The following TMC1 variants were observed in gnomAD, a reference collection of about 807,000 sequenced individuals.
TMC1 encodes the protein transmembrane channel like 1.
A neutral mutation model predicts 105.8 loss-of-function variants in TMC1; 84 were observed. The observed-to-expected ratio is 0.79, with a 90% CI of 0.67 to 0.95. The LOEUF is 0.95. TMC1 is among the 40% of genes least tolerant of loss of function. The pLI is 0.00. For missense variants in TMC1, 817 were observed against 914.1 expected, an observed-to-expected ratio of 0.89 and a Z score of 1.37; for synonymous variants, 315 against 311.5, an observed-to-expected ratio of 1.01 and a Z score of -0.12.
chr9:72,527,058 C>G (rs1823417372), intron 1 of TMC1, among the ~76,000 whole-genome samples: 1 of 152,174 alleles, frequency 6.6e-6, no homozygotes, highest in Admixed American at 6.5e-5. Context: ...GCATGGGGTT[C>G]CGCTGGGCAT....
intron 2 of TMC1, among the ~76,000 whole-genome samples, chr9:72,601,984 A>C (rs1305035278): frequency 6.6e-6 from 1 of 152,230 alleles, no homozygotes; most frequent in Non-Finnish European, 1.5e-5. Context: ...TTTATTTTTC[A>C]TATACACCTT....
intron 5 of TMC1, among the ~76,000 whole-genome samples, chr9:72,649,051 C>A (rs1031632071): frequency 1.2e-4 from 18 of 152,286 alleles, no homozygotes; most frequent in African/African-American, 4.1e-4. Flanking sequence ...GGGATGTGTT[C>A]TGCTTCCGTT....
chr9:72,624,116 C>T (rs1825303495), intron 3 of TMC1, among the ~76,000 whole-genome samples: 1 of 152,158 alleles, frequency 6.6e-6, no homozygotes, highest in African/African-American at 2.4e-5. Flanking sequence ...GTCTTGGCAT[C>T]AGATTCCGTG....
At chr9:72,540,741 G>C (rs1823661151) in intron 1 of TMC1, among the ~76,000 whole-genome samples, 1 of 152,108 alleles carries the variant, frequency 6.6e-6, no homozygotes, top group Non-Finnish European at 1.5e-5. Context: ...CATGCAAGTG[G>C]CCACATGCTG....
chr9:72,565,902 G>A (rs1824144178), intron 1 of TMC1, among the ~76,000 whole-genome samples: 1 of 152,210 alleles, frequency 6.6e-6, no homozygotes, highest in African/African-American at 2.4e-5. Context: ...CAAGACACAT[G>A]GGGATTATGG....
Position 72,644,188 on chromosome 9 carries a change from T to A in TMC1, c.-52-4409T>A, listed in dbSNP as rs561224607. On this transcript the variant is annotated intron_variant, in intron 4 of 23. Coordinates refer to ENST00000297784, the MANE Select transcript of TMC1 (RefSeq NM_138691.3). ...GGATACAAATCCTTTAACAAATGTA[T>A]GATTTGCAAATATTTTCTCCCAGTC... Among the ~76,000 whole-genome samples, 189 of 152,300 alleles carry A rather than the reference T, an allele frequency of 1.2e-3. 1 individual carries two copies. Among genetic ancestry groups the A allele is most frequent in the African/African-American group, 4.3e-3 (178 of 41,596 alleles).
intron 5 of TMC1, among the ~76,000 whole-genome samples, chr9:72,683,500 C>A (rs931081965): frequency 2.7e-5 from 4 of 150,142 alleles, no homozygotes; most frequent in Non-Finnish European, 5.9e-5. Flanking sequence ...CATAAGAATG[C>A]TGCCTTTTAA....
chr9:72,754,664 A>G, intron 11 of TMC1, 122 bp from the exon 12 acceptor site: 1 of 746,506 alleles, frequency 1.3e-6, no homozygotes, highest in Non-Finnish European at 2.4e-6. Flanking sequence ...CCCCACATGG[A>G]GACCCAAAGA....
At chr9:72,806,359 C>T (rs967404489) in intron 18 of TMC1, among the ~76,000 whole-genome samples, 1 of 140,816 alleles carries the variant, frequency 7.1e-6, no homozygotes, top group African/African-American at 2.7e-5. Flanking sequence ...GCTGACCCCC[C>T]CACCTCCCTC....
At chr9:72,747,620 A>G (rs988884815) in intron 10 of TMC1, among the ~76,000 whole-genome samples, 4 of 152,094 alleles carry the variant, frequency 2.6e-5, no homozygotes, top group African/African-American at 9.7e-5. Context: ...TTTGAGACAG[A>G]GTCTTGCTCT....
At chr9:72,627,361 G>C (rs77689421) in intron 3 of TMC1, among the ~76,000 whole-genome samples, 1 of 152,044 alleles carries the variant, frequency 6.6e-6, no homozygotes, top group South Asian at 2.1e-4. Flanking sequence ...TATCCCAGTG[G>C]GGGTCAAGGC....
chr9:72,720,245 A>G (rs1826999039), intron 8 of TMC1, among the ~76,000 whole-genome samples: 1 of 152,226 alleles, frequency 6.6e-6, no homozygotes, highest in Non-Finnish European at 1.5e-5. Context: ...CCTTGGTATG[A>G]TGGAGGTCTC....
chr9:72,757,260 C>A (rs901094017), intron 12 of TMC1, among the ~76,000 whole-genome samples: 2 of 152,188 alleles, frequency 1.3e-5, no homozygotes, highest in Admixed American at 6.5e-5. Context: ...CTGCATCATG[C>A]AGTGAACTGT....
intron 8 of TMC1, among the ~76,000 whole-genome samples, chr9:72,739,832 T>A (rs1827358462): frequency 6.6e-6 from 1 of 152,214 alleles, no homozygotes; most frequent in Non-Finnish European, 1.5e-5. Flanking sequence ...TTGATAGAAA[T>A]GAAAAGAACT....
Position 72,700,841 on chromosome 9 carries a change from A to G in TMC1, c.362+198A>G, listed in dbSNP as rs1382794053. 1.9e-5 allele frequency: 4 copies of G among 216,214 alleles called. No homozygotes were observed. In the East Asian group the frequency reaches 2.4e-4, roughly 13 times the overall value. The allele number at this position is 216,214 out of a possible 1,614,324, so 13.4% of individuals were successfully genotyped here. On this transcript the variant is annotated intron_variant, in intron 8 of 23. Transcript: ENST00000297784. ...ATCATTTATATATGACTCATTATAT[A>G]TAATGGTCACAGTCATAAACATGTA...
chr9:72,604,268 T>G (rs1243525685), intron 2 of TMC1, among the ~76,000 whole-genome samples: 1 of 152,206 alleles, frequency 6.6e-6, no homozygotes, highest in Non-Finnish European at 1.5e-5. Context: ...TTTTTGTTCA[T>G]AAGGTCTTAA....
At chr9:72,631,326 G>C (rs768040890) in intron 4 of TMC1, among the ~76,000 whole-genome samples, 1 of 152,158 alleles carries the variant, frequency 6.6e-6, no homozygotes, top group African/African-American at 2.4e-5. Flanking sequence ...GCATTATAGA[G>C]TCTCGTTTTA....
chr9:72,574,922 G>A (rs551641991), intron 1 of TMC1, among the ~76,000 whole-genome samples: 54 of 152,226 alleles, frequency 3.5e-4, no homozygotes, highest in South Asian at 4.2e-4. Context: ...TAGAAAGTCA[G>A]GACCAGAGCT....
rs766317205 is a variant in TMC1, at chr9:72,826,923, A to C, written c.2058A>C (p.Pro686=). The C allele has an allele frequency of 2.5e-6, 4 of 1,613,996 alleles. No individual in the cohort carries two copies. In the African/African-American group the frequency reaches 5.3e-5, roughly 22 times the overall value. The change falls in exon 21 of 24, where the codon CCA becomes CCC. Residue 686 remains proline, a synonymous_variant. Coordinates refer to ENST00000297784, the MANE Select transcript of TMC1 (RefSeq NM_138691.3). The part of the protein sequence containing the change: ...VIGETLEHDF[P]SWMAKILRQL... ...GAGAGACCCTGGAGCACGATTTCCC[A>C]AGCTGGATGGCGAAGATCTTGAGAC...
Sources: gnomAD v4.1 joint callset for allele counts (sites outside exome capture counted in the v4.1 genomes callset) on GRCh38, gnomAD v4.1.1 for gene constraint, MANE v1.5 for transcripts, NCBI Gene and HGNC (gene_info 2026-07-23, HGNC 2026-07-21) for gene names.